Variants in TDRD3 observed in about 807,000 individuals in gnomAD.
TDRD3 encodes tudor domain containing 3.
Under a neutral mutation model 86.7 loss-of-function variants are expected in TDRD3, and 45 were observed. The ratio of observed to expected loss-of-function variants is 0.52; its 90% CI spans 0.41 to 0.67. The LOEUF (loss-of-function observed/expected upper bound fraction) is 0.67. Ranked by LOEUF, TDRD3 falls within the 30% of genes least tolerant of loss-of-function variation. The pLI is 0.00. For synonymous variants in TDRD3, 298 were observed against 301.7 expected, an observed-to-expected ratio of 0.99 and a Z score of 0.13; for missense variants, 814 against 889.0, an observed-to-expected ratio of 0.92 and a Z score of 1.07.
chr13:60,533,355 T>C (rs1957625875), intron 11 of TDRD3, among the ~76,000 whole-genome samples: 2 of 152,154 alleles, frequency 1.3e-5, no homozygotes, highest in African/African-American at 2.4e-5. Flanking sequence ...GAGATACTAT[T>C]ATTGGCTGGG....
At chr13:60,502,679 G>A (rs1459789050) in intron 8 of TDRD3, among the ~76,000 whole-genome samples, 1 of 152,114 alleles carries the variant, frequency 6.6e-6, no homozygotes, top group African/African-American at 2.4e-5. Flanking sequence ...TAAACCAGGA[G>A]CTCCTGGTCC....
intron 5 of TDRD3, among the ~76,000 whole-genome samples, chr13:60,471,541 CAAA>C (rs35512603): frequency 1.4e-5 from 2 of 143,768 alleles, no homozygotes; most frequent in Non-Finnish European, 3.1e-5. Flanking sequence ...TCTATTTCTG[CAAA>C]AAAAAAAAAT....
chr13:60,446,232 A>AT (rs1955393785), intron 3 of TDRD3, among the ~76,000 whole-genome samples: 2 of 151,828 alleles, frequency 1.3e-5, no homozygotes, highest in Admixed American at 1.3e-4. Flanking sequence ...CAGAATTATT[A>AT]TTTTTTCTGA....
chr13:60,399,349 C>T (rs1406065888), intron 1 of TDRD3, among the ~76,000 whole-genome samples: 2 of 152,210 alleles, frequency 1.3e-5, no homozygotes, highest in Non-Finnish European at 2.9e-5. Context: ...ATGTTTCTCC[C>T]ACCTGTCTGT....
At chr13:60,464,832 A>G (rs1955883626) in intron 4 of TDRD3, among the ~76,000 whole-genome samples, 1 of 152,174 alleles carries the variant, frequency 6.6e-6, no homozygotes, top group Non-Finnish European at 1.5e-5. Context: ...GTTAATGGGT[A>G]CAAAAATACA....
At chr13:60,562,226 T>G (rs979565301) in intron 12 of TDRD3, among the ~76,000 whole-genome samples, 24 of 152,020 alleles carry the variant, frequency 1.6e-4, no homozygotes, top group African/African-American at 5.5e-4. Context: ...GACAGAAGAA[T>G]AGCTTGAATC....
At chr13:60,417,059 C>T (rs1307473766) in intron 1 of TDRD3, among the ~76,000 whole-genome samples, 1 of 151,004 alleles carries the variant, frequency 6.6e-6, no homozygotes, top group Non-Finnish European at 1.5e-5. Context: ...TTCTGCTGCC[C>T]AGGCTGGAGT....
intron 12 of TDRD3, among the ~76,000 whole-genome samples, chr13:60,548,956 A>G (rs763544730): frequency 3.3e-5 from 5 of 152,182 alleles, no homozygotes; most frequent in Non-Finnish European, 7.4e-5. Context: ...TTATCATGGT[A>G]GTGAAAAACC....
chr13:60,485,861 T>G lies in TDRD3; in HGVS notation c.630T>G (p.Val210=), dbSNP rs923933733. The change falls in exon 7 of 14, where the codon GTT becomes GTG. Residue 210 remains valine, a synonymous_variant. Transcript: ENST00000377881. ...TTGATCGAAGAAAAACATTGCAAGT[T>G]ACAATGCCTGTCAAACCTACAAATG... The part of the protein sequence containing the change: ...RELDRRKTLQ[V]TMPVKPTNDN... 4 of 1,611,156 alleles carry G rather than the reference T, an allele frequency of 2.5e-6. No individual in the cohort carries two copies. Among genetic ancestry groups the G allele is most frequent in the Non-Finnish European group, 3.4e-6 (4 of 1,178,818 alleles).
At chr13:60,465,235 TC>T (rs1955892831) in intron 4 of TDRD3, among the ~76,000 whole-genome samples, 2 of 152,190 alleles carry the variant, frequency 1.3e-5, no homozygotes, top group Non-Finnish European at 1.5e-5. Flanking sequence ...ATTAGCAATT[TC>T]TTTGGAGGTA....
chr13:60,426,865 C>A (rs945396857), intron 1 of TDRD3, among the ~76,000 whole-genome samples: 1 of 152,178 alleles, frequency 6.6e-6, no homozygotes, highest in South Asian at 2.1e-4. Flanking sequence ...AGTGTTCTTA[C>A]ACAAACCTTA....
At chr13:60,503,538 C>T (rs565780024) in intron 8 of TDRD3, among the ~76,000 whole-genome samples, 16 of 152,256 alleles carry the variant, frequency 1.1e-4, no homozygotes, top group African/African-American at 3.6e-4. Flanking sequence ...GATTGCACAT[C>T]ATTTCGGAAA....
chr13:60,530,616 A>ATTT (rs746006256), intron 11 of TDRD3, among the ~76,000 whole-genome samples: 1 of 125,118 alleles, frequency 8.0e-6, no homozygotes, highest in African/African-American at 2.9e-5. Flanking sequence ...AATTTTTTGT[A>ATTT]TTTTTTTTTT....
In TDRD3 at chr13:60,449,306, A is replaced by T. The variant is rs182650886; in HGVS notation, c.192+4558A>T. Among the ~76,000 whole-genome samples the T allele has an allele frequency of 2.7e-4, 41 of 152,266 alleles. No homozygotes were observed. The East Asian group carries it at 5.8e-3, about 21-fold the overall frequency. On this transcript the variant is annotated intron_variant, in intron 3 of 13. Transcript: ENST00000377881. ...ATATTAAAATTAAACATCTACTTGTATTAGAAAAAATGGATTACTAAAACT... is the reference window on the plus strand; with the variant it reads ...ATATTAAAATTAAACATCTACTTGTTTTAGAAAAAATGGATTACTAAAACT...
intron 1 of TDRD3, among the ~76,000 whole-genome samples, chr13:60,429,993 TCTC>T (rs1235539171): frequency 6.6e-6 from 1 of 152,158 alleles, no homozygotes; most frequent in African/African-American, 2.4e-5. Flanking sequence ...TTACATGCTG[TCTC>T]CTCATTTATT....
intron 4 of TDRD3, among the ~76,000 whole-genome samples, chr13:60,461,278 G>A (rs1351446531): frequency 1.3e-5 from 2 of 152,138 alleles, no homozygotes; most frequent in Admixed American, 6.6e-5. Flanking sequence ...TGAAGTCAGG[G>A]AGGTTTGTGA....
rs140420823 is a variant in TDRD3 at position 60,547,210 on chromosome 13, A to G, written c.2118+11977A>G. On this transcript the variant is annotated intron_variant, in intron 12 of 13. Transcript: ENST00000377881. Reference sequence around the variant, plus strand: ...GTATAACCAAAAAAAATCTCATGACATTGTTCACCACTTTTGCCATTCTTG... The same window carrying G: ...GTATAACCAAAAAAAATCTCATGACGTTGTTCACCACTTTTGCCATTCTTG... The G allele has an allele frequency of 7.4e-3, 7,237 of 983,830 alleles. 32 individuals are homozygous for G. The highest frequency in any genetic ancestry group is 0.022 in the Middle Eastern group (43 of 1,912). The allele number at this position is 983,830 out of a possible 1,614,324, so 60.9% of individuals were successfully genotyped here. A position where few individuals can be genotyped will look rare whatever the true frequency, so the allele number is the denominator to read the frequency against.
intron 12 of TDRD3, among the ~76,000 whole-genome samples, chr13:60,550,099 G>A (rs1265612409): frequency 6.6e-6 from 1 of 152,064 alleles, no homozygotes; most frequent in Non-Finnish European, 1.5e-5. Flanking sequence ...TTTACAGTGT[G>A]TCACTAAGAG....
upstream of TDRD3, chr13:60,396,456 GACCC>G (rs1953910079): frequency 1.3e-5 from 2 of 152,268 alleles, no homozygotes; most frequent in South Asian, 4.1e-4. Flanking sequence ...CCCACTCAGG[GACCC>G]ACCCTGCGCC....
Sources: gnomAD v4.1 joint callset for allele counts (sites outside exome capture counted in the v4.1 genomes callset) on GRCh38, gnomAD v4.1.1 for gene constraint, MANE v1.5 for transcripts, NCBI Gene and HGNC (gene_info 2026-07-23, HGNC 2026-07-21) for gene names.